FHL5: variants seen among roughly 807,000 people sequenced by gnomAD.
The protein encoded by FHL5 is four and a half LIM domains 5.
In FHL5, 33 loss-of-function variants were observed where a neutral mutation model predicts 32.0. The ratio of observed to expected loss-of-function variants is 1.03; its 90% CI spans 0.78 to 1.38. The LOEUF (loss-of-function observed/expected upper bound fraction) is 1.38. Ranked by LOEUF, FHL5 falls within the 40% of genes most tolerant of loss-of-function variation. FHL5 has a pLI of 0.00. For missense variants in FHL5, 336 were observed against 343.9 expected, an observed-to-expected ratio of 0.98 and a Z score of 0.18; for synonymous variants, 114 against 113.6, an observed-to-expected ratio of 1.00 and a Z score of -0.02.
At chr6:96,593,826 CTACACTTTTTAAG>C (rs766645466) in intron 1 of FHL5, among the ~76,000 whole-genome samples, 2 of 152,234 alleles carry the variant, frequency 1.3e-5, no homozygotes, top group East Asian at 1.9e-4. Context: ...TGCCTCCAAG[CTACACTTTTTAAG>C]TACACTTTTT....
intron 5 of FHL5, among the ~76,000 whole-genome samples, chr6:96,613,251 T>C (rs1370143973): frequency 6.6e-6 from 1 of 152,210 alleles, no homozygotes; most frequent in East Asian, 1.9e-4. Flanking sequence ...GATTAATCAA[T>C]TATTTTTTTA....
chr6:96,583,855 A>T (rs1430219383), intron 1 of FHL5, among the ~76,000 whole-genome samples: 1 of 152,162 alleles, frequency 6.6e-6, no homozygotes, highest in African/African-American at 2.4e-5. Flanking sequence ...TGTAACAGAT[A>T]TGAATTAATT....
chr6:96,598,307 T>C (rs1192093257), intron 1 of FHL5, among the ~76,000 whole-genome samples: 3 of 152,248 alleles, frequency 2.0e-5, no homozygotes, highest in Admixed American at 6.5e-5. Context: ...TCATTTCATA[T>C]TCACCTGCAG....
chr6:96,564,103 G>A (rs1328944287), intron 1 of FHL5, among the ~76,000 whole-genome samples: 4 of 152,200 alleles, frequency 2.6e-5, no homozygotes, highest in Non-Finnish European at 4.4e-5. Flanking sequence ...ACCAAATGCA[G>A]CTCCTCAGCT....
intron 1 of FHL5, among the ~76,000 whole-genome samples, chr6:96,585,364 G>A (rs1315454648): frequency 6.6e-6 from 1 of 152,148 alleles, no homozygotes. Flanking sequence ...ATAGCCATGC[G>A]GCAATCCCAG....
intron 4 of FHL5, 135 bp downstream of exon 4, chr6:96,606,206 A>C (rs1771275270): frequency 1.6e-6 from 1 of 643,064 alleles, no homozygotes; most frequent in Non-Finnish European, 2.6e-6. Context: ...GACTTTCAAC[A>C]TGTCCAAACC....
intron 4 of FHL5, among the ~76,000 whole-genome samples, chr6:96,609,257 C>T (rs923880048): frequency 1.2e-4 from 18 of 152,134 alleles, no homozygotes; most frequent in Non-Finnish European, 5.9e-5. Context: ...TTAAAATAGG[C>T]TCTAAGTTTT....
At chr6:96,595,367 T>C (rs1222950487) in intron 1 of FHL5, among the ~76,000 whole-genome samples, 1 of 151,822 alleles carries the variant, frequency 6.6e-6, no homozygotes, top group East Asian at 1.9e-4. Context: ...TTTTTTTCTC[T>C]TTGAATGTCT....
intron 1 of FHL5, among the ~76,000 whole-genome samples, chr6:96,571,530 A>T (rs1424352590): frequency 1.3e-5 from 2 of 152,162 alleles, no homozygotes; most frequent in Non-Finnish European, 2.9e-5. Context: ...TCAGTATCTC[A>T]TAAAGCTATT....
At chr6:96,568,851 T>C (rs1770416717) in intron 1 of FHL5, among the ~76,000 whole-genome samples, 1 of 151,904 alleles carries the variant, frequency 6.6e-6, no homozygotes, top group African/African-American at 2.4e-5. Context: ...TTTACGTTTT[T>C]CTTGGGTAGT....
chr6:96,604,734 A>G lies in FHL5; in HGVS notation c.160-16A>G, dbSNP rs1771232683. The G allele has an allele frequency of 6.3e-7, 1 of 1,590,556 alleles. No homozygotes were observed. The highest frequency in any genetic ancestry group is 8.6e-7 in the Non-Finnish European group (1 of 1,168,974). On this transcript the variant is annotated splice_polypyrimidine_tract_variant and intron_variant, in intron 2 of 5. Transcript: ENST00000450218. ...TCACAACCACATTTAATTAACTTTT[A>G]TTTACTGTCTCAAAGGATCTTTGTT... is the stretch of plus-strand genomic sequence containing the variant.
At chr6:96,597,914 G>T (rs1236799039) in intron 1 of FHL5, among the ~76,000 whole-genome samples, 2 of 151,924 alleles carry the variant, frequency 1.3e-5, no homozygotes, top group African/African-American at 4.8e-5. Context: ...CCTAAGTTTT[G>T]GTTTGCTCAT....
chr6:96,585,518 T>G (rs934310265), intron 1 of FHL5, among the ~76,000 whole-genome samples: 6 of 152,238 alleles, frequency 3.9e-5, no homozygotes, highest in Non-Finnish European at 7.4e-5. Context: ...TATTTGCATT[T>G]ATTTAGTAAA....
At chr6:96,579,593 G>T (rs1231360265) in intron 1 of FHL5, among the ~76,000 whole-genome samples, 2 of 152,140 alleles carry the variant, frequency 1.3e-5, no homozygotes, top group Non-Finnish European at 2.9e-5. Flanking sequence ...TCATGATTTT[G>T]CCATGTACCA....
chr6:96,602,426 C>CTTCTTTTTTT (rs1771169396), intron 1 of FHL5, among the ~76,000 whole-genome samples: 2 of 33,684 alleles, frequency 5.9e-5, no homozygotes, highest in African/African-American at 1.7e-4. Context: ...TGCGTTGTTT[C>CTTCTTTTTTT]TTTTTTTTTT....
intron 4 of FHL5, among the ~76,000 whole-genome samples, chr6:96,609,556 C>T (rs532576429): frequency 5.7e-4 from 87 of 152,322 alleles, no homozygotes; most frequent in Admixed American, 1.1e-3. Flanking sequence ...GAACTAATTA[C>T]ATCTCAGGCA....
At chr6:96,565,695 TAAAG>T (rs1770341139) in intron 1 of FHL5, among the ~76,000 whole-genome samples, 1 of 152,158 alleles carries the variant, frequency 6.6e-6, no homozygotes, top group Non-Finnish European at 1.5e-5. Flanking sequence ...TATAATGCTC[TAAAG>T]ATGGTGGTGT....
In FHL5 at chr6:96,605,942, A is replaced by C; in HGVS notation, c.375A>C (p.Glu125Asp). 1 of 1,614,092 alleles carries C rather than the reference A, an allele frequency of 6.2e-7. No individual in the cohort carries two copies. The highest frequency in any genetic ancestry group is 8.5e-7 in the Non-Finnish European group (1 of 1,179,970). Residue 125 changes from glutamate to aspartate, a missense_variant, in exon 4 of 6, where the codon GAA becomes GAC. Coordinates refer to ENST00000450218, the MANE Select transcript of FHL5 (RefSeq NM_001322466.2). Reference protein sequence around the residue: ...KMEFKGNYWHETCFVCENCRQ... With the variant: ...KMEFKGNYWHDTCFVCENCRQ... The stretch of plus-strand genomic sequence containing the variant: ...AATTTAAGGGAAACTACTGGCATGA[A>C]ACCTGTTTTGTGTGTGAGAATTGCC...
In FHL5 at chr6:96,585,990, T is replaced by C. The variant is rs186214446; in HGVS notation, c.-12-17612T>C. The stretch of plus-strand genomic sequence containing the variant: ...CTTGCACAGTTCCATGGTAGCTGAG[T>C]ATTGAGAACGGGAAGAGAAACGAGA... On this transcript the variant is annotated intron_variant, in intron 1 of 5. Coordinates refer to ENST00000450218, the MANE Select transcript of FHL5 (RefSeq NM_001322466.2). Among the ~76,000 whole-genome samples, 6 of 152,242 alleles carry C rather than the reference T, an allele frequency of 3.9e-5. No homozygotes were observed. In the East Asian group the frequency reaches 1.2e-3, roughly 29 times the overall value.
Sources: gnomAD v4.1 joint callset for allele counts (sites outside exome capture counted in the v4.1 genomes callset) on GRCh38, gnomAD v4.1.1 for gene constraint, MANE v1.5 for transcripts, NCBI Gene and HGNC (gene_info 2026-07-23, HGNC 2026-07-21) for gene names.